The following LYZL4 variants were observed in gnomAD, a reference collection of about 807,000 sequenced individuals.
LYZL4 encodes the protein lysozyme-like protein 4.
A neutral mutation model predicts 17.6 loss-of-function variants in LYZL4; 13 were observed. The ratio of observed to expected loss-of-function variants is 0.74; its 90% CI spans 0.48 to 1.18. The LOEUF is 1.18. LYZL4 is among the 50% of genes most tolerant of loss of function. The pLI, the probability that LYZL4 is intolerant of heterozygous loss-of-function variation, is 0.00. For synonymous variants in LYZL4, 64 were observed against 67.7 expected, an observed-to-expected ratio of 0.95 and a Z score of 0.27; for missense variants, 174 against 188.2, an observed-to-expected ratio of 0.92 and a Z score of 0.44.
At chr3:42,381,792 A>G in the LYZL4 span, among the ~76,000 whole-genome samples, 34 of 152,328 alleles carry the variant, frequency 2.2e-4, no homozygotes, top group Admixed American at 1.8e-3. Flanking sequence ...TTAGTCATGG[A>G]AACTGTTATT....
intron 4 of LYZL4, among the ~76,000 whole-genome samples, chr3:42,401,746 A>T (rs188609213): frequency 1.1e-4 from 17 of 151,838 alleles, no homozygotes; most frequent in East Asian, 1.9e-4. Context: ...TTCATGATTT[A>T]AAAAAAAACT....
chr3:42,370,936 T>C, the LYZL4 span, among the ~76,000 whole-genome samples: 27,056 of 152,136 alleles, frequency 0.18, 6,313 homozygotes, highest in African/African-American at 0.53. Context: ...CCCCATCTCC[T>C]TTTGTCTTTA....
chr3:42,364,834 C>T, the LYZL4 span, among the ~76,000 whole-genome samples: 5 of 152,288 alleles, frequency 3.3e-5, no homozygotes, highest in East Asian at 9.7e-4. Context: ...CTTTAGCATA[C>T]TTCCTTTCAC....
At chr3:42,399,747 A>T (rs1698621634) in intron 4 of LYZL4, among the ~76,000 whole-genome samples, 1 of 152,164 alleles carries the variant, frequency 6.6e-6, no homozygotes, top group African/African-American at 2.4e-5. Context: ...TTTAAAAGTA[A>T]AAATGTTATG....
At chr3:42,395,568 T>A (rs1357431757), downstream of LYZL4, among the ~76,000 whole-genome samples, 2 of 152,172 alleles carry the variant, frequency 1.3e-5, no homozygotes, top group African/African-American at 4.8e-5. Flanking sequence ...GATTGCCCAC[T>A]TTAGCAACAT....
intron 4 of LYZL4, among the ~76,000 whole-genome samples, chr3:42,403,449 T>C (rs1577154876): frequency 1.3e-5 from 2 of 151,970 alleles, no homozygotes; most frequent in Admixed American, 6.6e-5. Context: ...TATTTATTTA[T>C]TTTTTTAGTA....
At chr3:42,407,783 T>C (rs908571212) in intron 1 of LYZL4, among the ~76,000 whole-genome samples, 1 of 151,988 alleles carries the variant, frequency 6.6e-6, no homozygotes, top group African/African-American at 2.4e-5. Flanking sequence ...TTACTGCCTC[T>C]TATGCGTCTT....
At chr3:42,370,412 C>T in the LYZL4 span, among the ~76,000 whole-genome samples, 2 of 152,254 alleles carry the variant, frequency 1.3e-5, no homozygotes, top group South Asian at 4.1e-4. Context: ...TGTGGTTTGG[C>T]TTGCTCTTCT....
At chr3:42,365,575 C>G in the LYZL4 span, among the ~76,000 whole-genome samples, 74 of 152,228 alleles carry the variant, frequency 4.9e-4, no homozygotes, top group African/African-American at 1.8e-3. Flanking sequence ...GAGAACACAT[C>G]GAGCCTCTAA....
chr3:42,387,615 G>A, the LYZL4 span, among the ~76,000 whole-genome samples: 109 of 152,008 alleles, frequency 7.2e-4, no homozygotes, highest in Non-Finnish European at 1.4e-3. Flanking sequence ...AACTCTCCCT[G>A]CTGCCATTGA....
chr3:42,397,714 G>A (rs985993607), intron 4 of LYZL4, among the ~76,000 whole-genome samples: 2 of 152,146 alleles, frequency 1.3e-5, no homozygotes, highest in Non-Finnish European at 2.9e-5. Context: ...CACATGATGA[G>A]TCTTTGGCAG....
At chr3:42,395,983 A>G (rs1000620859), downstream of LYZL4, among the ~76,000 whole-genome samples, 18 of 151,808 alleles carry the variant, frequency 1.2e-4, no homozygotes, top group Non-Finnish European at 4.4e-5. Context: ...AATCGCTTGA[A>G]CCTGCGGGGT....
At chr3:42,362,971 A>G in the LYZL4 span, among the ~76,000 whole-genome samples, 19,556 of 152,180 alleles carry the variant, frequency 0.13, 3,013 homozygotes, top group African/African-American at 0.36. Context: ...CATTACCCAG[A>G]ATGCCAAAAT....
chr3:42,379,028 C>T, the LYZL4 span, among the ~76,000 whole-genome samples: 2 of 152,164 alleles, frequency 1.3e-5, no homozygotes, highest in Non-Finnish European at 1.5e-5. Context: ...AAGAAAACTG[C>T]AGCTGGTGAC....
chr3:42,387,849 T>A, the LYZL4 span, among the ~76,000 whole-genome samples: 1 of 152,014 alleles, frequency 6.6e-6, no homozygotes, highest in South Asian at 2.1e-4. Flanking sequence ...TTTTTCCATC[T>A]CCTCCTGCTT....
chr3:42,408,768 C>T (rs920735845), intron 1 of LYZL4, among the ~76,000 whole-genome samples: 4 of 152,200 alleles, frequency 2.6e-5, no homozygotes, highest in East Asian at 1.9e-4. Context: ...ACACCTACAC[C>T]GGGGGTTCTC....
chr3:42,366,925 G>C, the LYZL4 span, among the ~76,000 whole-genome samples: 1 of 152,170 alleles, frequency 6.6e-6, no homozygotes, highest in Non-Finnish European at 1.5e-5. Context: ...CCCCACCTCT[G>C]ATCTTGTTTC....
intron 3 of LYZL4, among the ~76,000 whole-genome samples, chr3:42,405,675 G>T (rs1698736176): frequency 6.6e-6 from 1 of 152,124 alleles, no homozygotes; most frequent in Non-Finnish European, 1.5e-5. Flanking sequence ...TAGGCAGGAA[G>T]ACCGCCTCAG....
chr3:42,386,564 G>A, the LYZL4 span, among the ~76,000 whole-genome samples: 37 of 152,234 alleles, frequency 2.4e-4, no homozygotes, highest in African/African-American at 7.9e-4. Context: ...TGGGGGACTA[G>A]GACATGTATA....
Sources: allele counts gnomAD v4.1 joint callset (sites outside exome capture counted in the v4.1 genomes callset), GRCh38; gene constraint gnomAD v4.1.1; transcripts MANE v1.5; gene names NCBI Gene and HGNC (gene_info 2026-07-23, HGNC 2026-07-21).